Variants in SPOCK3 observed in about 807,000 individuals in gnomAD.
SPOCK3 encodes testican-3.
In SPOCK3, 30 loss-of-function variants were observed where a neutral mutation model predicts 56.6. That is an observed-to-expected ratio of 0.53 (90% confidence interval 0.40 to 0.72). The LOEUF (loss-of-function observed/expected upper bound fraction) is 0.72, where lower values mean the gene tolerates loss of function less well. Ranked by LOEUF, SPOCK3 falls within the 30% of genes least tolerant of loss-of-function variation. The pLI is 0.00. For missense variants in SPOCK3, 527 were observed against 530.0 expected (o/e 0.99, Z 0.06); for synonymous variants, 196 against 183.3 (o/e 1.07, Z -0.56).
At chr4:167,112,906 G>C (rs1347524434) in intron 2 of SPOCK3, among the ~76,000 whole-genome samples, 1 of 151,960 alleles carries the variant, frequency 6.6e-6, no homozygotes, top group Admixed American at 6.6e-5. Flanking sequence ...CTACATGAAA[G>C]TAGGCCTGTG....
chr4:167,123,117 T>C (rs554615868), intron 2 of SPOCK3, among the ~76,000 whole-genome samples: 3 of 151,964 alleles, frequency 2.0e-5, no homozygotes, highest in Admixed American at 6.6e-5. Context: ...ATTTTAGTCT[T>C]CAAGAAGCAT....
intron 4 of SPOCK3, among the ~76,000 whole-genome samples, chr4:166,984,324 T>TA (rs774840373): frequency 6.6e-6 from 1 of 152,066 alleles, no homozygotes; most frequent in East Asian, 1.9e-4. Context: ...AATTAGGATA[T>TA]AAAACATCGA....
At chr4:167,106,231 A>T (rs1760128906) in intron 2 of SPOCK3, among the ~76,000 whole-genome samples, 1 of 151,888 alleles carries the variant, frequency 6.6e-6, no homozygotes, top group Non-Finnish European at 1.5e-5. Context: ...TTAGAATAAC[A>T]TGTTAAAATA....
chr4:166,929,780 C>T (rs1041389957), intron 4 of SPOCK3, among the ~76,000 whole-genome samples: 1 of 152,058 alleles, frequency 6.6e-6, no homozygotes, highest in Non-Finnish European at 1.5e-5. Context: ...TTAGCCTTTC[C>T]CCACACCCTA....
chr4:166,978,559 A>T (rs1746221355), intron 4 of SPOCK3, among the ~76,000 whole-genome samples: 2 of 152,314 alleles, frequency 1.3e-5, no homozygotes, highest in Admixed American at 6.5e-5. Flanking sequence ...GGAAATTAAC[A>T]TTTATTGTAT....
chr4:167,050,437 C>A (rs962309357), intron 3 of SPOCK3, among the ~76,000 whole-genome samples: 1 of 151,854 alleles, frequency 6.6e-6, no homozygotes, highest in Admixed American at 6.6e-5. Flanking sequence ...AAATTGGAAC[C>A]CTGTGGATTG....
chr4:167,232,858 G>C (rs1737318630), intron 2 of SPOCK3, among the ~76,000 whole-genome samples: 1 of 152,144 alleles, frequency 6.6e-6, no homozygotes, highest in East Asian at 1.9e-4. Context: ...TGAGAGAATG[G>C]GTTAGAGGAG....
At chr4:166,943,737 G>C (rs1741382537) in intron 4 of SPOCK3, among the ~76,000 whole-genome samples, 1 of 152,082 alleles carries the variant, frequency 6.6e-6, no homozygotes, top group Admixed American at 6.5e-5. Context: ...GTACTAAAGT[G>C]GTCGTATGCT....
chr4:166,831,642 AAT>A (rs1397526051), intron 6 of SPOCK3, among the ~76,000 whole-genome samples: 1 of 151,634 alleles, frequency 6.6e-6, no homozygotes, highest in Non-Finnish European at 1.5e-5. Context: ...TTATAATGGT[AAT>A]ATGTGTCTTC....
chr4:167,129,863 AT>A (rs1762567018), intron 2 of SPOCK3, among the ~76,000 whole-genome samples: 3 of 152,286 alleles, frequency 2.0e-5, no homozygotes, highest in Admixed American at 2.0e-4. Flanking sequence ...TTGCACTAAA[AT>A]TTCTTATGCT....
intron 2 of SPOCK3, among the ~76,000 whole-genome samples, chr4:167,095,112 G>A (rs1276387961): frequency 6.6e-6 from 1 of 151,990 alleles, no homozygotes; most frequent in Non-Finnish European, 1.5e-5. Flanking sequence ...CCCACATTGA[G>A]GAGGGCAATC....
chr4:167,008,569 C>T (rs576486595), intron 3 of SPOCK3, among the ~76,000 whole-genome samples: 1 of 151,970 alleles, frequency 6.6e-6, no homozygotes, highest in South Asian at 2.1e-4. Flanking sequence ...TCTCTTTAAC[C>T]AAGTAAACCT....
At chr4:167,036,902 A>G (rs555499610) in intron 3 of SPOCK3, among the ~76,000 whole-genome samples, 3 of 152,186 alleles carry the variant, frequency 2.0e-5, no homozygotes, top group East Asian at 3.9e-4. Flanking sequence ...AAATTTTGTA[A>G]TTTTACTCTC....
intron 2 of SPOCK3, among the ~76,000 whole-genome samples, chr4:167,120,573 T>C (rs975008137): frequency 1.3e-5 from 2 of 152,082 alleles, no homozygotes; most frequent in African/African-American, 4.8e-5. Flanking sequence ...CTTAGTATTA[T>C]AGTTAGTAAT....
intron 5 of SPOCK3, among the ~76,000 whole-genome samples, chr4:166,903,814 C>T (rs144685690): frequency 0.011 from 1,661 of 151,968 alleles, 38 homozygotes; most frequent in African/African-American, 0.037. Context: ...GGGTGGGAAG[C>T]GGTTAAAGGC....
chr4:166,943,671 T>A (rs538875873), intron 4 of SPOCK3, among the ~76,000 whole-genome samples: 1 of 152,152 alleles, frequency 6.6e-6, no homozygotes, highest in Non-Finnish European at 1.5e-5. Context: ...CATTTTGAAA[T>A]GTTTCAGGGT....
intron 8 of SPOCK3, among the ~76,000 whole-genome samples, chr4:166,746,628 T>A (rs1165957549): frequency 6.6e-6 from 1 of 151,908 alleles, no homozygotes; most frequent in Non-Finnish European, 1.5e-5. Flanking sequence ...AAGAAATAAC[T>A]AAGATCAGAG....
chr4:167,025,045 G>A (rs908534401), intron 3 of SPOCK3, among the ~76,000 whole-genome samples: 2 of 151,908 alleles, frequency 1.3e-5, no homozygotes, highest in East Asian at 3.9e-4. Context: ...TTGAGGATAA[G>A]ATGCAGCAGG....
intron 2 of SPOCK3, among the ~76,000 whole-genome samples, chr4:167,202,716 T>C (rs1032858906): frequency 4.6e-5 from 7 of 151,834 alleles, no homozygotes; most frequent in Non-Finnish European, 1.0e-4. Flanking sequence ...TTTATACTTT[T>C]GATAAATGAA....
Sources: allele counts gnomAD v4.1 joint callset (sites outside exome capture counted in the v4.1 genomes callset), GRCh38; gene constraint gnomAD v4.1.1; transcripts MANE v1.5; gene names NCBI Gene and HGNC (gene_info 2026-07-23, HGNC 2026-07-21).